MAGI2: variants seen among roughly 807,000 people sequenced by gnomAD.
MAGI2 encodes the protein membrane-associated guanylate kinase, WW and PDZ domain-containing protein 2.
A neutral mutation model predicts 133.3 loss-of-function variants in MAGI2; 35 were observed. The observed-to-expected ratio is 0.26, with a 90% CI of 0.20 to 0.35. The LOEUF (loss-of-function observed/expected upper bound fraction) is 0.35, where lower values mean the gene tolerates loss of function less well. Among genes scored for constraint, MAGI2 ranks in the 10% least tolerant of loss-of-function variants. The probability of loss-of-function intolerance (pLI) is 1.00; values close to 1 mark genes in which losing one functional copy is unlikely to be tolerated. For synonymous variants in MAGI2, 729 were observed against 710.6 expected (o/e 1.03, Z -0.41); for missense variants, 1,636 against 1,863.4 (o/e 0.88, Z 2.25).
chr7:78,316,787 A>G (rs1787452495), intron 9 of MAGI2, among the ~76,000 whole-genome samples: 1 of 152,216 alleles, frequency 6.6e-6, no homozygotes, highest in Non-Finnish European at 1.5e-5. Context: ...ATACTGTTCA[A>G]TCCTTACAGA....
intron 2 of MAGI2, among the ~76,000 whole-genome samples, chr7:78,923,399 G>A (rs1799418873): frequency 6.6e-6 from 1 of 152,174 alleles, no homozygotes; most frequent in African/African-American, 2.4e-5. Context: ...TCCAGCTTCA[G>A]ATTTCTACAT....
In MAGI2 at chr7:78,529,668, GTTTTTTTT is replaced by G. The variant is rs554010061; in HGVS notation, c.539-8031_539-8024del. On this transcript the variant is annotated intron_variant, in intron 3 of 21. Transcript: ENST00000354212. Reference sequence around the variant, plus strand: ...TTTCTTTTCCTTGCTAAAGGAGATGGTTTTTTTTTTTTTTTTTTTTTTTTTTTTTTTTG... The same window carrying G: ...TTTCTTTTCCTTGCTAAAGGAGATGGTTTTTTTTTTTTTTTTTTTTTTTTG... Among the ~76,000 whole-genome samples the G allele has an allele frequency of 2.1e-3, 121 of 57,384 alleles. 1 individual carries two copies. The highest frequency in any genetic ancestry group is 3.1e-3 in the Non-Finnish European group (89 of 28,690). The allele number at this position is 57,384 out of a possible 152,430, so 37.6% of individuals were successfully genotyped here. A position where few individuals can be genotyped will look rare whatever the true frequency, so the allele number is the denominator to read the frequency against.
intron 2 of MAGI2, among the ~76,000 whole-genome samples, chr7:78,693,082 A>G (rs545944050): frequency 2.0e-5 from 3 of 152,278 alleles, no homozygotes; most frequent in South Asian, 4.1e-4. Flanking sequence ...GCAGCATGCT[A>G]TGGTAGAAAA....
chr7:78,772,890 G>C (rs1825703453), intron 2 of MAGI2, among the ~76,000 whole-genome samples: 3 of 152,186 alleles, frequency 2.0e-5, no homozygotes, highest in Admixed American at 2.0e-4. Context: ...TCACTTTATA[G>C]CTTCTAATAA....
At chr7:79,418,044 T>C (rs558044064) in intron 1 of MAGI2, among the ~76,000 whole-genome samples, 4 of 152,164 alleles carry the variant, frequency 2.6e-5, no homozygotes, top group African/African-American at 9.6e-5. Context: ...TCACCCAAAT[T>C]TATACAAAAT....
At chr7:79,037,140 G>A (rs777198435) in intron 1 of MAGI2, among the ~76,000 whole-genome samples, 5 of 152,024 alleles carry the variant, frequency 3.3e-5, no homozygotes, top group Non-Finnish European at 7.4e-5. Flanking sequence ...CACTCCCTTC[G>A]TTTATGTAAG....
intron 1 of MAGI2, among the ~76,000 whole-genome samples, chr7:79,108,011 T>A (rs1818584683): frequency 6.6e-6 from 1 of 152,182 alleles, no homozygotes; most frequent in Admixed American, 6.5e-5. Flanking sequence ...ATGATAGAAT[T>A]TTATGGAAAA....
chr7:79,162,508 C>T lies in MAGI2; in HGVS notation c.302-155302G>A, dbSNP rs185147458. Among the ~76,000 whole-genome samples, 631 of 152,022 alleles carry T rather than the reference C, an allele frequency of 4.2e-3. 2 individuals carry two copies. The highest frequency in any genetic ancestry group is 7.6e-3 in the Non-Finnish European group (517 of 67,950). ...GGATAAAATTAGGTCAAGGTCAAAC[C>T]CTGCAAATCAAGAAGGGATACAAAG... On this transcript the variant is annotated intron_variant, in intron 1 of 21. Coordinates refer to ENST00000354212, the MANE Select transcript of MAGI2 (RefSeq NM_012301.4).
At chr7:78,593,080 C>A (rs982979392) in intron 3 of MAGI2, among the ~76,000 whole-genome samples, 1 of 151,678 alleles carries the variant, frequency 6.6e-6, no homozygotes, top group African/African-American at 2.4e-5. Flanking sequence ...CCTAGCCTCC[C>A]AAATTGCTAG....
intron 2 of MAGI2, among the ~76,000 whole-genome samples, chr7:78,788,340 T>C (rs1055657308): frequency 6.6e-6 from 1 of 152,212 alleles, no homozygotes; most frequent in Non-Finnish European, 1.5e-5. Context: ...GATTCCCAGC[T>C]TTCCATCTTT....
rs72030909 is a variant in MAGI2 at position 78,687,969 on chromosome 7, T to TAAAAAAAAAAAAAAAAAA, written c.419-60748_419-60731dup. On this transcript the variant is annotated intron_variant, in intron 2 of 21. Coordinates refer to ENST00000354212, the MANE Select transcript of MAGI2 (RefSeq NM_012301.4). ...TGGGCAAGAGAGTGAGTCCTTGCCTTAAAAAAAAAAAAAAAAAAAAAAAAA... is the reference window on the plus strand; with the variant it reads ...TGGGCAAGAGAGTGAGTCCTTGCCTTAAAAAAAAAAAAAAAAAAAAAAAAAAAAAAAAAAAAAAAAAAA... Among the ~76,000 whole-genome samples the TAAAAAAAAAAAAAAAAAA allele has an allele frequency of 4.8e-4, 32 of 67,228 alleles. 1 individual carries two copies. Among genetic ancestry groups the TAAAAAAAAAAAAAAAAAA allele is most frequent in the South Asian group, 1.6e-3 (2 of 1,278 alleles). 44.1% of individuals were successfully genotyped at this position (67,228 alleles called of 152,430 possible). A position where few individuals can be genotyped will look rare whatever the true frequency, so the allele number is the denominator to read the frequency against.
At chr7:79,396,387 A>G (rs1004536089) in intron 1 of MAGI2, among the ~76,000 whole-genome samples, 4 of 152,182 alleles carry the variant, frequency 2.6e-5, no homozygotes, top group African/African-American at 9.7e-5. Flanking sequence ...CTGCCCACTG[A>G]CCAGGAAAAT....
intron 2 of MAGI2, among the ~76,000 whole-genome samples, chr7:78,649,027 A>G (rs1401941404): frequency 6.6e-6 from 1 of 151,916 alleles, no homozygotes; most frequent in Non-Finnish European, 1.5e-5. Flanking sequence ...ATACACTGTC[A>G]GGTCAGCACC....
At chr7:78,466,714 G>C (rs1014235988) in intron 6 of MAGI2, among the ~76,000 whole-genome samples, 2 of 152,128 alleles carry the variant, frequency 1.3e-5, no homozygotes, top group African/African-American at 2.4e-5. Context: ...ACGTGGTGGG[G>C]TGGTTCTAAG....
intron 2 of MAGI2, among the ~76,000 whole-genome samples, chr7:78,972,005 TC>T (rs2115997272): frequency 6.6e-6 from 1 of 152,024 alleles, no homozygotes; most frequent in Non-Finnish European, 1.5e-5. Flanking sequence ...CTTTCATACA[TC>T]ACAAAAAATA....
chr7:78,833,789 A>G (rs1185079596), intron 2 of MAGI2, among the ~76,000 whole-genome samples: 1 of 152,156 alleles, frequency 6.6e-6, no homozygotes, highest in Non-Finnish European at 1.5e-5. Flanking sequence ...CCTGCCTAAT[A>G]TACAAATGGG....
chr7:78,513,619 A>G (rs1432154630), intron 4 of MAGI2, among the ~76,000 whole-genome samples: 1 of 152,196 alleles, frequency 6.6e-6, no homozygotes, highest in East Asian at 1.9e-4. Flanking sequence ...CATTTTCACA[A>G]TTCCATGGGC....
At position 79,263,336 on chromosome 7, in the gene MAGI2, G is replaced by A. The variant is rs569622925; in HGVS notation, c.301+189684C>T. Among the ~76,000 whole-genome samples, 56 of 152,024 alleles carry A rather than the reference G, an allele frequency of 3.7e-4. 1 individual carries two copies. The highest frequency in any genetic ancestry group is 1.7e-3 in the South Asian group (8 of 4,816). ...GCACTATAATTAATCCTATTTCACC[G>A]GTATGAAAGCCAACAGTTACTCTTA... On this transcript the variant is annotated intron_variant, in intron 1 of 21. Transcript: ENST00000354212.
intron 2 of MAGI2, among the ~76,000 whole-genome samples, chr7:78,693,245 A>G (rs773991090): frequency 4.6e-5 from 7 of 152,208 alleles, no homozygotes; most frequent in Non-Finnish European, 8.8e-5. Context: ...TGCTTTGTGT[A>G]AAGCACATAA....
Sources: gnomAD v4.1 joint callset for allele counts (sites outside exome capture counted in the v4.1 genomes callset) on GRCh38, gnomAD v4.1.1 for gene constraint, MANE v1.5 for transcripts, NCBI Gene and HGNC (gene_info 2026-07-23, HGNC 2026-07-21) for gene names.